Variants in CAMK2G observed in about 807,000 individuals in gnomAD.
The protein encoded by CAMK2G is calcium/calmodulin-dependent protein kinase type II subunit gamma.
In CAMK2G, 23 loss-of-function variants were observed where a neutral mutation model predicts 88.7. The ratio of observed to expected loss-of-function variants is 0.26; its 90% CI spans 0.19 to 0.37. The LOEUF (loss-of-function observed/expected upper bound fraction) is 0.37. CAMK2G is among the 10% of genes least tolerant of loss of function. The pLI, the probability that CAMK2G is intolerant of heterozygous loss-of-function variation, is 1.00. For missense variants in CAMK2G, 476 were observed against 780.8 expected (o/e 0.61, Z 4.65); for synonymous variants, 263 against 294.8 (o/e 0.89, Z 1.11).
In CAMK2G at chr10:73,816,990, G is replaced by A. The variant is rs371041074; in HGVS notation, c.1534+33C>T. 11 of 1,613,830 alleles carry A rather than the reference G, an allele frequency of 6.8e-6. No individual in the cohort carries two copies. The African/African-American group carries it at 1.1e-4, about 16-fold the overall frequency. Reference sequence around the variant, plus strand: ...CAGAGACAAAGGGGTAAAGGGGCAGGCAGGAGTATATCAGCAGCACGAACC... The same window carrying A: ...CAGAGACAAAGGGGTAAAGGGGCAGACAGGAGTATATCAGCAGCACGAACC... On this transcript the variant is annotated intron_variant, in intron 21 of 22. Transcript: ENST00000423381.
chr10:73,860,248 C>T (rs1270870607), intron 3 of CAMK2G, among the ~76,000 whole-genome samples: 1 of 152,200 alleles, frequency 6.6e-6, no homozygotes, highest in Non-Finnish European at 1.5e-5. Flanking sequence ...TGCTCTTGTC[C>T]CCCCAGTCAG....
At chr10:73,864,519 A>T (rs1175187096) in intron 2 of CAMK2G, among the ~76,000 whole-genome samples, 1 of 152,200 alleles carries the variant, frequency 6.6e-6, no homozygotes, top group Non-Finnish European at 1.5e-5. Flanking sequence ...GGGAGTGCAG[A>T]TTTGAGTAGG....
chr10:73,846,743 T>C lies in CAMK2G; in HGVS notation c.819+482A>G, dbSNP rs141762463. 7.1e-4 allele frequency: 109 copies of C among 153,562 alleles called. 1 individual carries two copies. In the East Asian group the frequency reaches 0.02, roughly 28 times the overall value. 9.5% of individuals were successfully genotyped at this position (153,562 alleles called of 1,614,324 possible). ...AACAGAGTACGTCAACCCACACTGA[T>C]AGCCTAGAGGACTCTCCTAGGACTT... On this transcript the variant is annotated intron_variant, in intron 10 of 22. Coordinates refer to ENST00000423381, the MANE Select transcript of CAMK2G (RefSeq NM_001367534.1).
intron 18 of CAMK2G, among the ~76,000 whole-genome samples, chr10:73,820,984 A>G (rs888737116): frequency 2.0e-5 from 3 of 150,148 alleles, no homozygotes; most frequent in African/African-American, 7.4e-5. Context: ...CTTTTTTTGT[A>G]TTTTTAGTAG....
At chr10:73,831,534 T>TAAAAAA (rs985986206) in intron 14 of CAMK2G, among the ~76,000 whole-genome samples, 1 of 54,612 alleles carries the variant, frequency 1.8e-5, no homozygotes, top group Non-Finnish European at 3.5e-5. Flanking sequence ...AGACTCCGTC[T>TAAAAAA]AAAAAAAAAA....
chr10:73,822,636 C>G (rs2089358410), intron 17 of CAMK2G, among the ~76,000 whole-genome samples: 1 of 152,136 alleles, frequency 6.6e-6, no homozygotes, highest in Non-Finnish European at 1.5e-5. Context: ...CCTCATCACT[C>G]TCCTATGGTT....
At position 73,848,197 on chromosome 10, in the gene CAMK2G, G is replaced by A; in HGVS notation, c.602-115C>T. The A allele has an allele frequency of 1.4e-6, 1 of 705,718 alleles. No homozygotes were observed. The allele number at this position is 705,718 out of a possible 1,614,324, so 43.7% of individuals were successfully genotyped here. A position where few individuals can be genotyped will look rare whatever the true frequency, so the allele number is the denominator to read the frequency against. ...AAAGGCAGGGGCCATACCAGAGTCAGAAGTGGATGCCAGCCGATAATGCTA... is the reference window on the plus strand; with the variant it reads ...AAAGGCAGGGGCCATACCAGAGTCAAAAGTGGATGCCAGCCGATAATGCTA... On this transcript the variant is annotated intron_variant, in intron 8 of 22. Coordinates refer to ENST00000423381, the MANE Select transcript of CAMK2G (RefSeq NM_001367534.1). This position sits in a 1 kb window ranked among gnomAD's most constrained non-coding sequence, Gnocchi z 4.5.
chr10:73,839,625 G>T lies in CAMK2G; in HGVS notation c.947-24C>A. ...AACTGAGGGGATACAGTCTCTCAGT[G>T]CACAGAGCCCCGCAAAGCCACGGGG... On this transcript the variant is annotated intron_variant, in intron 12 of 22. Coordinates refer to ENST00000423381, the MANE Select transcript of CAMK2G (RefSeq NM_001367534.1). This position sits in a 1 kb window ranked among gnomAD's most constrained non-coding sequence, Gnocchi z 4.2. 1 of 1,215,988 alleles carries T rather than the reference G, an allele frequency of 8.2e-7. No homozygotes were observed. The highest frequency in any genetic ancestry group is 1.0e-6 in the Non-Finnish European group (1 of 971,924). The allele number at this position is 1,215,988 out of a possible 1,614,324, so 75.3% of individuals were successfully genotyped here.
intron 19 of CAMK2G, chr10:73,818,887 C>CGTAACT (rs1241874086): frequency 2.2e-6 from 1 of 452,772 alleles, no homozygotes; most frequent in South Asian, 1.6e-5. Context: ...TCCTCCAGCA[C>CGTAACT]AGACGTAACT....
At chr10:73,850,410 A>G (rs1452197095) in intron 5 of CAMK2G, among the ~76,000 whole-genome samples, 1 of 152,168 alleles carries the variant, frequency 6.6e-6, no homozygotes. Context: ...ACTGGGAATG[A>G]ATTTGCCGCC....
intron 17 of CAMK2G, among the ~76,000 whole-genome samples, chr10:73,823,042 A>G (rs1373208873): frequency 2.0e-5 from 3 of 151,498 alleles, no homozygotes; most frequent in Admixed American, 6.6e-5. Context: ...CTGTATCTTT[A>G]GTAGAGATGG....
intron 14 of CAMK2G, among the ~76,000 whole-genome samples, chr10:73,831,764 G>A (rs1301909506): frequency 6.6e-6 from 1 of 151,836 alleles, no homozygotes; most frequent in Admixed American, 6.6e-5. Flanking sequence ...GGAGGCTGAG[G>A]TGGAAGAATC....
intron 2 of CAMK2G, among the ~76,000 whole-genome samples, chr10:73,867,796 A>G (rs983181048): frequency 6.6e-6 from 1 of 152,180 alleles, no homozygotes; most frequent in Non-Finnish European, 1.5e-5. Flanking sequence ...ACAGGAACAA[A>G]GTATCCAGAA....
intron 22 of CAMK2G, 95 bp downstream of exon 22, chr10:73,814,905 ACCT>A: frequency 1.3e-6 from 1 of 791,338 alleles, no homozygotes; most frequent in Admixed American, 2.4e-5. Flanking sequence ...GACGGCCCAC[ACCT>A]CCTCTCCCAG....
intron 10 of CAMK2G, among the ~76,000 whole-genome samples, chr10:73,844,821 A>G (rs2094108800): frequency 6.6e-6 from 1 of 152,136 alleles, no homozygotes; most frequent in African/African-American, 2.4e-5. Flanking sequence ...ACAGGGTTTC[A>G]TCTTTCTCTC....
chr10:73,818,758 C>A, intron 19 of CAMK2G: 1 of 456,192 alleles, frequency 2.2e-6, no homozygotes. Context: ...ACACACACAC[C>A]CTCTCCAACC....
At position 73,842,855 on chromosome 10, in the gene CAMK2G, C is replaced by T. The variant is rs2093915343; in HGVS notation, c.820-314G>A. On this transcript the variant is annotated intron_variant, in intron 10 of 22. Transcript: ENST00000423381. This position sits in a 1 kb window ranked among gnomAD's most constrained non-coding sequence, Gnocchi z 4.6. ...AGAGTACCCTGGGGGCTGTGATCCT[C>T]ATTCAGTCACTCCTTAGGCAGCTGT... Among the ~76,000 whole-genome samples, 1 of 152,144 alleles carries T rather than the reference C, an allele frequency of 6.6e-6. No individual in the cohort carries two copies. The highest frequency in any genetic ancestry group is 6.5e-5 in the Admixed American group (1 of 15,278).
intron 2 of CAMK2G, among the ~76,000 whole-genome samples, chr10:73,870,867 C>A (rs551801257): frequency 6.6e-6 from 1 of 152,288 alleles, no homozygotes; most frequent in African/African-American, 2.4e-5. Flanking sequence ...CTACCCTGGC[C>A]CAGATCTCTC....
chr10:73,841,090 C>T (rs1307945874), intron 12 of CAMK2G, among the ~76,000 whole-genome samples: 3 of 152,216 alleles, frequency 2.0e-5, no homozygotes, highest in Non-Finnish European at 4.4e-5. Context: ...CCTGGCCTTC[C>T]GGAGCTCCAT....
Sources: gnomAD v4.1 joint callset for allele counts (sites outside exome capture counted in the v4.1 genomes callset) on GRCh38, gnomAD v4.1.1 for gene constraint, Gnocchi (gnomAD v3.1) non-coding constraint, MANE v1.5 for transcripts, NCBI Gene and HGNC (gene_info 2026-07-23, HGNC 2026-07-21) for gene names.